Variants in GNAO1 observed in about 807,000 individuals in gnomAD.
GNAO1 encodes the protein guanine nucleotide-binding protein G(o) subunit alpha.
For missense variants in GNAO1, 166 were observed against 478.7 expected, an observed-to-expected ratio of 0.35 and a Z score of 6.10; for synonymous variants, 164 against 180.7, an observed-to-expected ratio of 0.91 and a Z score of 0.74.
rs984776467 is a variant in GNAO1 at position 56,354,422 on chromosome 16, T to A, written c.878-444T>A. On this transcript the variant is annotated intron_variant, in intron 7 of 8. Transcript: ENST00000262493. This position sits in a 1 kb window ranked among gnomAD's most constrained non-coding sequence, Gnocchi z 4.3. ...CAGGCGTGGTGGCTCACGTCTGTAA[T>A]CCCAGCACTTTGGGAGGCCGAGGCA... is the stretch of plus-strand genomic sequence containing the variant. 6.6e-6 allele frequency among the ~76,000 whole-genome samples: 1 copy of A among 152,220 alleles called. No individual in the cohort carries two copies. The highest frequency in any genetic ancestry group is 6.5e-5 in the Admixed American group (1 of 15,284).
chr16:56,311,899 A>G lies in GNAO1; in HGVS notation c.304-16732A>G, dbSNP rs548994010. On this transcript the variant is annotated intron_variant, in intron 3 of 8. Coordinates refer to ENST00000262493, the MANE Select transcript of GNAO1 (RefSeq NM_020988.3). The surrounding 1 kb of genome is among the most constrained non-coding windows in gnomAD (Gnocchi z 5.2). ...CACCCTTGTTTTTACACCTGTCACCATCCCACCTGCCGCATGTAAACACTA... is the reference window on the plus strand; with the variant it reads ...CACCCTTGTTTTTACACCTGTCACCGTCCCACCTGCCGCATGTAAACACTA... 2.0e-5 allele frequency among the ~76,000 whole-genome samples: 3 copies of G among 152,282 alleles called. No homozygotes were observed. Among genetic ancestry groups the G allele is most frequent in the Non-Finnish European group, 2.9e-5 (2 of 68,002 alleles).
At chr16:56,296,692 G>C (rs1368550855) in intron 3 of GNAO1, among the ~76,000 whole-genome samples, 2 of 152,174 alleles carry the variant, frequency 1.3e-5, no homozygotes, top group African/African-American at 4.8e-5. Flanking sequence ...TCCAGCTAGA[G>C]CCCAGCACAG....
rs576367532 is a variant in GNAO1 at position 56,224,154 on chromosome 16, C to A, written c.161+31538C>A. Among the ~76,000 whole-genome samples the A allele has an allele frequency of 2.0e-5, 3 of 152,324 alleles. No homozygotes were observed. In the South Asian group the frequency reaches 6.2e-4, roughly 32 times the overall value. The stretch of plus-strand genomic sequence containing the variant: ...CTCTGGACCAGGCCGTATTCATTTC[C>A]CTGGAGGTCTCTAGATCCTGTGGTC... On this transcript the variant is annotated intron_variant, in intron 2 of 8. Transcript: ENST00000262493.
Position 56,264,530 on chromosome 16 carries a change from G to A in GNAO1, c.162-11401G>A, listed in dbSNP as rs372763127. On this transcript the variant is annotated intron_variant, in intron 2 of 8. Transcript: ENST00000262493. ...TTGGCAGCTGACATCTTTGCTTCTG[G>A]CCAGAGCTACCCCTTATTAAAAATG... Among the ~76,000 whole-genome samples, 40 of 152,146 alleles carry A rather than the reference G, an allele frequency of 2.6e-4. 1 individual carries two copies. Among genetic ancestry groups the A allele is most frequent in the Admixed American group, 2.4e-3 (36 of 15,280 alleles).
intron 2 of GNAO1, among the ~76,000 whole-genome samples, chr16:56,237,222 A>G (rs1424085047): frequency 1.3e-5 from 2 of 152,232 alleles, no homozygotes; most frequent in South Asian, 2.1e-4. Flanking sequence ...TGAAGAATCA[A>G]AAGACTAAAG....
chr16:56,345,235 A>T (rs1378466290), intron 6 of GNAO1: 1 of 985,344 alleles, frequency 1.0e-6, no homozygotes, highest in Non-Finnish European at 1.2e-6. Context: ...GCTGAGGCCA[A>T]CGCCCACACC....
intron 2 of GNAO1, among the ~76,000 whole-genome samples, chr16:56,212,266 G>C (rs577625834): frequency 2.0e-5 from 3 of 152,346 alleles, no homozygotes; most frequent in East Asian, 3.9e-4. Flanking sequence ...TACATGGTAT[G>C]TAACCTTTGT....
intron 2 of GNAO1, among the ~76,000 whole-genome samples, chr16:56,208,751 A>G (rs1029352426): frequency 1.3e-5 from 2 of 152,074 alleles, no homozygotes; most frequent in African/African-American, 2.4e-5. Context: ...AGCTTTTCCT[A>G]TATTTATTGG....
intron 6 of GNAO1, chr16:56,344,075 C>T: frequency 6.7e-7 from 1 of 1,486,286 alleles, no homozygotes; most frequent in Non-Finnish European, 8.9e-7. Context: ...AGGCTGGCAC[C>T]AAGGGAGGGA....
At chr16:56,294,150 G>A (rs1368536173) in intron 3 of GNAO1, among the ~76,000 whole-genome samples, 3 of 152,112 alleles carry the variant, frequency 2.0e-5, no homozygotes, top group Non-Finnish European at 2.9e-5. Context: ...CAGGCTCTGC[G>A]AGGGGAGTTT....
chr16:56,350,385 C>T (rs1596881313), intron 6 of GNAO1, among the ~76,000 whole-genome samples: 2 of 152,318 alleles, frequency 1.3e-5, no homozygotes, highest in Non-Finnish European at 2.9e-5. Flanking sequence ...CTTCCTCCCA[C>T]TCCCTGTGCA....
At chr16:56,301,581 T>C (rs1462872242) in intron 3 of GNAO1, 4 of 152,248 alleles carry the variant, frequency 2.6e-5, no homozygotes, top group Non-Finnish European at 5.9e-5. Context: ...TGTATGTGCA[T>C]GTGTGTGGAG....
intron 2 of GNAO1, among the ~76,000 whole-genome samples, chr16:56,219,553 G>A (rs985890834): frequency 2.7e-4 from 41 of 152,116 alleles, no homozygotes; most frequent in African/African-American, 9.4e-4. Context: ...TCGGATATTA[G>A]GAAATGTATC....
At chr16:56,334,084 C>T (rs993015297) in intron 4 of GNAO1, among the ~76,000 whole-genome samples, 4 of 152,244 alleles carry the variant, frequency 2.6e-5, no homozygotes, top group African/African-American at 9.6e-5. Flanking sequence ...GGTAAAGAGC[C>T]CTGATTCCAA....
intron 3 of GNAO1, 184 bp downstream of exon 3, chr16:56,276,256 A>C: frequency 2.1e-6 from 1 of 483,074 alleles, no homozygotes; most frequent in East Asian, 3.3e-5. Context: ...AACTCCCAGC[A>C]AACTCACCAA....
intron 2 of GNAO1, chr16:56,235,254 CTCAA>C: frequency 2.2e-6 from 1 of 451,722 alleles, no homozygotes. Flanking sequence ...TTGCAGGTGG[CTCAA>C]TCCACTCAGA....
chr16:56,250,859 G>A (rs2143454984), intron 2 of GNAO1, among the ~76,000 whole-genome samples: 1 of 152,298 alleles, frequency 6.6e-6, no homozygotes, highest in Admixed American at 6.5e-5. Flanking sequence ...ATTGACTTAT[G>A]TTCCATCCCT....
intron 2 of GNAO1, among the ~76,000 whole-genome samples, chr16:56,240,879 C>T (rs529364757): frequency 4.2e-4 from 64 of 152,204 alleles, no homozygotes; most frequent in African/African-American, 1.5e-3. Context: ...TTTGATTTGC[C>T]TCAGCTCAGG....
chr16:56,324,520 C>T (rs577905315), intron 3 of GNAO1, among the ~76,000 whole-genome samples: 4 of 152,342 alleles, frequency 2.6e-5, no homozygotes, highest in African/African-American at 9.6e-5. Flanking sequence ...GTCAGCCAGG[C>T]GTGAGGAGCA....
Sources: gnomAD v4.1 joint callset for allele counts (sites outside exome capture counted in the v4.1 genomes callset) on GRCh38, gnomAD v4.1.1 for gene constraint, Gnocchi (gnomAD v3.1) non-coding constraint, MANE v1.5 for transcripts, NCBI Gene and HGNC (gene_info 2026-07-23, HGNC 2026-07-21) for gene names.